The following PPP2R2B variants were observed in gnomAD, a reference collection of about 807,000 sequenced individuals.
The protein encoded by PPP2R2B is serine/threonine-protein phosphatase 2A 55 kDa regulatory subunit B beta isoform.
PPP2R2B carries 5 observed loss-of-function variants against 46.0 expected under a neutral mutation model. The ratio of observed to expected loss-of-function variants is 0.11; its 90% CI spans 0.06 to 0.23. The LOEUF (loss-of-function observed/expected upper bound fraction) is 0.23, where lower values mean the gene tolerates loss of function less well. Among genes scored for constraint, PPP2R2B ranks in the 10% least tolerant of loss-of-function variants. PPP2R2B has a pLI of 1.00. For synonymous variants in PPP2R2B, 215 were observed against 206.7 expected, an observed-to-expected ratio of 1.04 and a Z score of -0.34; for missense variants, 367 against 575.0, an observed-to-expected ratio of 0.64 and a Z score of 3.70.
chr5:146,654,548 T>C (rs1319584963), intron 5 of PPP2R2B, among the ~76,000 whole-genome samples: 10 of 152,180 alleles, frequency 6.6e-5, no homozygotes, highest in African/African-American at 2.4e-4. Flanking sequence ...TCCTAGGACA[T>C]CATCTGTGTG....
rs544870831 is a variant in PPP2R2B at position 146,742,944 on chromosome 5, G to A, written c.71-41802C>T. Among the ~76,000 whole-genome samples the A allele has an allele frequency of 1.9e-3, 286 of 152,312 alleles. 3 individuals are homozygous for A. The highest frequency in any genetic ancestry group is 4.6e-3 in the African/African-American group (193 of 41,572). On this transcript the variant is annotated intron_variant, in intron 2 of 9. Coordinates refer to ENST00000394411, the MANE Select transcript of PPP2R2B (RefSeq NM_181675.4). ...GCCAAAAATTGCCTAAAGACCACAG[G>A]AGGCTAGGAGAGGGGCCTGGAACTG...
chr5:146,776,319 A>G (rs914567073), intron 2 of PPP2R2B, among the ~76,000 whole-genome samples: 1 of 152,130 alleles, frequency 6.6e-6, no homozygotes, highest in Non-Finnish European at 1.5e-5. Context: ...ATAACAATAT[A>G]GAATTGAGAG....
chr5:146,903,393 T>TC, intron 1 of PPP2R2B, among the ~76,000 whole-genome samples: 1 of 45,652 alleles, frequency 2.2e-5, no homozygotes, highest in African/African-American at 1.3e-4. Context: ...TTCTTTCTCT[T>TC]TTTTTTTTTT....
chr5:146,752,293 T>G (rs1415492975), intron 2 of PPP2R2B, among the ~76,000 whole-genome samples: 3 of 152,048 alleles, frequency 2.0e-5, no homozygotes, highest in African/African-American at 7.2e-5. Context: ...AGTGATACAT[T>G]TATTGAGATG....
Position 146,812,482 on chromosome 5 carries a change from ATATATATATATACTGTATATATATACAG to A in PPP2R2B, c.70+65492_70+65519del, listed in dbSNP as rs1465710178. On this transcript the variant is annotated intron_variant, in intron 2 of 9. Transcript: ENST00000394411. The stretch of plus-strand genomic sequence containing the variant: ...ACTAAGTAACTCTAGTGATAGCAGT[ATATATATATATACTGTATATATATACAG>A]TATATATATATATACTGCTATCACT... 8.3e-4 allele frequency among the ~76,000 whole-genome samples: 26 copies of A among 31,270 alleles called. 1 individual carries two copies. Among genetic ancestry groups the A allele is most frequent in the Admixed American group, 1.7e-3 (5 of 2,880 alleles). The allele number at this position is 31,270 out of a possible 152,430, so 20.5% of individuals were successfully genotyped here.
chr5:146,965,182 C>A (rs1257529048), intron 1 of PPP2R2B, among the ~76,000 whole-genome samples: 1 of 152,170 alleles, frequency 6.6e-6, no homozygotes, highest in Non-Finnish European at 1.5e-5. Flanking sequence ...AAAAGAAAAT[C>A]ATCCACCAAC....
intron 4 of PPP2R2B, among the ~76,000 whole-genome samples, chr5:146,691,739 T>C (rs1266000433): frequency 6.6e-6 from 1 of 152,148 alleles, no homozygotes; most frequent in Non-Finnish European, 1.5e-5. Flanking sequence ...GACCCCCCTG[T>C]CCATCCTCTC....
chr5:147,055,171 A>C (rs2151905065), intron 1 of PPP2R2B, among the ~76,000 whole-genome samples: 1 of 152,308 alleles, frequency 6.6e-6, no homozygotes, highest in South Asian at 2.1e-4. Context: ...CTGTAACCCA[A>C]GTACAGACTC....
chr5:146,833,980 G>C (rs1759120387), intron 2 of PPP2R2B, among the ~76,000 whole-genome samples: 1 of 152,030 alleles, frequency 6.6e-6, no homozygotes, highest in Non-Finnish European at 1.5e-5. Flanking sequence ...GCACATCCTA[G>C]GGGTTACCTA....
chr5:146,975,786 T>C (rs13187365), intron 1 of PPP2R2B, among the ~76,000 whole-genome samples: 72,751 of 152,090 alleles, frequency 0.48, 18,806 homozygotes, highest in Middle Eastern at 0.6. Context: ...ATATTTTATT[T>C]GGCAAAATAT....
chr5:146,847,734 T>C (rs924976330), intron 2 of PPP2R2B, among the ~76,000 whole-genome samples: 2 of 152,226 alleles, frequency 1.3e-5, no homozygotes, highest in Non-Finnish European at 2.9e-5. Context: ...TTTCAAGTAC[T>C]TTAAATATAT....
At chr5:146,707,198 T>C (rs1779917855) in intron 2 of PPP2R2B, 1 of 1,566,570 alleles carries the variant, frequency 6.4e-7, no homozygotes, top group African/African-American at 1.3e-5. Flanking sequence ...CTCTCGAATA[T>C]GTTGTCCATG....
intron 2 of PPP2R2B, among the ~76,000 whole-genome samples, chr5:146,801,195 G>T (rs1282917130): frequency 6.6e-6 from 1 of 152,116 alleles, no homozygotes; most frequent in Non-Finnish European, 1.5e-5. Context: ...AGAACATGTT[G>T]GTTAAGGGGT....
intron 2 of PPP2R2B, among the ~76,000 whole-genome samples, chr5:146,812,510 G>GTA (rs543907081): frequency 1.0e-3 from 20 of 19,854 alleles, no homozygotes; most frequent in African/African-American, 2.5e-3. Context: ...TATATATACA[G>GTA]TATATATATA....
intron 1 of PPP2R2B, among the ~76,000 whole-genome samples, chr5:146,908,782 C>A (rs1031339757): frequency 6.6e-6 from 1 of 150,536 alleles, no homozygotes; most frequent in Non-Finnish European, 1.5e-5. Context: ...TCCCGCCCTC[C>A]CTTCCTCCCT....
At chr5:147,065,019 A>G (rs537415449) in intron 2 of PPP2R2B, among the ~76,000 whole-genome samples, 1 of 152,336 alleles carries the variant, frequency 6.6e-6, no homozygotes, top group African/African-American at 2.4e-5. Context: ...GCATTAGCAT[A>G]CACCAGGCAT....
chr5:146,743,432 A>G (rs1371969218), intron 2 of PPP2R2B, among the ~76,000 whole-genome samples: 1 of 152,320 alleles, frequency 6.6e-6, no homozygotes, highest in Admixed American at 6.5e-5. Context: ...CTTGTGGTAC[A>G]TAAAAGATAT....
At chr5:146,900,272 T>A (rs1762782556) in intron 1 of PPP2R2B, among the ~76,000 whole-genome samples, 1 of 152,168 alleles carries the variant, frequency 6.6e-6, no homozygotes. Flanking sequence ...CCTGAGCCAA[T>A]CTGCTATTCT....
chr5:146,595,064 A>C (rs538238196), intron 8 of PPP2R2B, among the ~76,000 whole-genome samples: 1 of 152,306 alleles, frequency 6.6e-6, no homozygotes, highest in East Asian at 1.9e-4. Context: ...TGGACAGAGG[A>C]AGTTATTTCT....
Sources: allele counts gnomAD v4.1 joint callset (sites outside exome capture counted in the v4.1 genomes callset), GRCh38; gene constraint gnomAD v4.1.1; transcripts MANE v1.5; gene names NCBI Gene and HGNC (gene_info 2026-07-23, HGNC 2026-07-21).